MSN: variants seen among roughly 807,000 people sequenced by gnomAD.
The protein encoded by MSN is epididymis luminal protein 70.
In MSN, 2 loss-of-function variants were observed where a neutral mutation model predicts 48.0. That is an observed-to-expected ratio of 0.04 (90% CI 0.02 to 0.13). The LOEUF is 0.13. Ranked by LOEUF, MSN falls within the 10% of genes least tolerant of loss-of-function variation. MSN has a pLI of 1.00. For missense variants in MSN, 267 were observed against 470.1 expected (o/e 0.57, Z 3.99); for synonymous variants, 146 against 166.9 (o/e 0.87, Z 0.97).
intron 1 of MSN, among the ~76,000 whole-genome samples, chrX:65,634,969 G>T (rs1452136324): frequency 1.8e-5 from 2 of 112,134 alleles, no homozygotes; most frequent in Non-Finnish European, 3.8e-5. Flanking sequence ...AGCCCAGGCT[G>T]TTGGCCTGAT....
At chrX:65,699,178 A>T (rs187766154) in intron 1 of MSN, among the ~76,000 whole-genome samples, 75 of 112,079 alleles carry the variant, frequency 6.7e-4, no homozygotes, top group African/African-American at 2.3e-3. Context: ...AATGTAATAA[A>T]GTCAAAACCA....
chrX:65,624,681 G>A (rs1300674239), intron 1 of MSN: 1 of 106,101 alleles, frequency 9.4e-6, no homozygotes, highest in Non-Finnish European at 1.9e-5. Flanking sequence ...AGCTACTCAG[G>A]AGACTGAGGC....
At chrX:65,665,773 G>A (rs1388119536), upstream of MSN, among the ~76,000 whole-genome samples, 1 of 111,776 alleles carries the variant, frequency 8.9e-6, no homozygotes, top group Non-Finnish European at 1.9e-5. Context: ...CAAGCCCAGA[G>A]AGGGGGAGGG....
At chrX:65,694,120 C>T (rs1416400200) in intron 1 of MSN, among the ~76,000 whole-genome samples, 1 of 109,817 alleles carries the variant, frequency 9.1e-6, no homozygotes, top group Non-Finnish European at 1.9e-5. Context: ...ACCTACTTCA[C>T]TGAGATTTAT....
chrX:65,623,363 C>CTTTTTTTTTTTTTTTTT (rs2070471282), intron 1 of MSN, among the ~76,000 whole-genome samples: 1 of 69,721 alleles, frequency 1.4e-5, no homozygotes, highest in Non-Finnish European at 2.5e-5. Flanking sequence ...TTTTTTCTTT[C>CTTTTTTTTTTTTTTTTT]TTTTCTTTTT....
At chrX:65,638,092 G>A (rs765202978) in intron 1 of MSN, among the ~76,000 whole-genome samples, 62 of 112,264 alleles carry the variant, frequency 5.5e-4, no homozygotes, top group South Asian at 1.1e-3. Context: ...TATTCATTGC[G>A]TAAAATTCAA....
chrX:65,649,653 A>G (rs1294284001), intron 1 of MSN, among the ~76,000 whole-genome samples: 1 of 103,885 alleles, frequency 9.6e-6, no homozygotes, highest in African/African-American at 3.5e-5. Context: ...ATGTGTGTGT[A>G]TATGTGTGTG....
chrX:65,694,823 C>G (rs2071215185), intron 1 of MSN, among the ~76,000 whole-genome samples: 1 of 111,363 alleles, frequency 9.0e-6, no homozygotes, highest in Non-Finnish European at 1.9e-5. Context: ...CCTTAAAAGT[C>G]CCAGGATGAG....
At chrX:65,727,667 C>T in intron 2 of MSN, 147 bp from the exon 3 acceptor site, 1 of 445,832 alleles carries the variant, frequency 2.2e-6, no homozygotes, top group Non-Finnish European at 3.9e-6. Context: ...TTCTTGATTG[C>T]TGCTCAAGTA....
intron 1 of MSN, among the ~76,000 whole-genome samples, chrX:65,596,600 CTTT>C (rs1287923920): frequency 1.1e-5 from 1 of 93,629 alleles, no homozygotes; most frequent in Admixed American, 1.2e-4. Context: ...TTTTCTTTTT[CTTT>C]TTTTTTTTTT....
chrX:65,671,700 A>G (rs946629636), intron 1 of MSN, among the ~76,000 whole-genome samples: 1 of 111,762 alleles, frequency 8.9e-6, no homozygotes, highest in Non-Finnish European at 1.9e-5. Context: ...AGCAGGAACC[A>G]TCTTGGGAAT....
At chrX:65,618,425 C>T (rs1435236716) in intron 1 of MSN, among the ~76,000 whole-genome samples, 2 of 111,228 alleles carry the variant, frequency 1.8e-5, no homozygotes, top group Admixed American at 1.9e-4. Context: ...GGATAGTTAG[C>T]TCTTCTTGTT....
chrX:65,737,012 C>T, intron 9 of MSN, 87 bp downstream of exon 9: 1 of 1,152,734 alleles, frequency 8.7e-7, no homozygotes, highest in African/African-American at 1.8e-5. Context: ...TAGACTCAGA[C>T]AATGTAGTTC....
At chrX:65,617,591 C>T (rs1226490808) in intron 1 of MSN, among the ~76,000 whole-genome samples, 1 of 104,059 alleles carries the variant, frequency 9.6e-6, no homozygotes, top group African/African-American at 3.8e-5. Flanking sequence ...TTTGATTCTT[C>T]TCTCTTTTTT....
chrX:65,637,257 C>T (rs1234877966), intron 1 of MSN, among the ~76,000 whole-genome samples: 1 of 107,220 alleles, frequency 9.3e-6, no homozygotes, highest in Admixed American at 1.0e-4. Flanking sequence ...ACAAAATTAG[C>T]CCGGTGTGGT....
intron 1 of MSN, among the ~76,000 whole-genome samples, chrX:65,612,958 T>C (rs1409521775): frequency 9.1e-6 from 1 of 109,815 alleles, no homozygotes; most frequent in Non-Finnish European, 1.9e-5. Context: ...GATATACATA[T>C]GCCATGGTGG....
intron 1 of MSN, among the ~76,000 whole-genome samples, chrX:65,615,171 G>C (rs914420361): frequency 9.1e-6 from 1 of 110,452 alleles, no homozygotes; most frequent in African/African-American, 3.3e-5. Flanking sequence ...ACATACGTGT[G>C]CATGTGTCTT....
chrX:65,682,227 G>A (rs920680310), intron 1 of MSN, among the ~76,000 whole-genome samples: 1 of 112,135 alleles, frequency 8.9e-6, no homozygotes, highest in Non-Finnish European at 1.9e-5. Flanking sequence ...GTCACTAACT[G>A]TATACTCTTT....
At chrX:65,620,133 A>G (rs967783477) in intron 1 of MSN, among the ~76,000 whole-genome samples, 7 of 112,564 alleles carry the variant, frequency 6.2e-5, no homozygotes, top group Non-Finnish European at 1.3e-4. Context: ...GGGACATTTA[A>G]GTCTGCAGAG....
Sources: gnomAD v4.1 joint callset for allele counts (sites outside exome capture counted in the v4.1 genomes callset) on GRCh38, gnomAD v4.1.1 for gene constraint, MANE v1.5 for transcripts, NCBI Gene and HGNC (gene_info 2026-07-23, HGNC 2026-07-21) for gene names.